Variants in RANBP9 observed in about 807,000 individuals in gnomAD.
The protein encoded by RANBP9 is RAN binding protein 9, also known as ran-binding protein 9.
Under a neutral mutation model 84.3 loss-of-function variants are expected in RANBP9, and 15 were observed. The ratio of observed to expected loss-of-function variants is 0.18; its 90% CI spans 0.12 to 0.27. RANBP9 has a LOEUF of 0.27. Ranked by LOEUF, RANBP9 falls within the 10% of genes least tolerant of loss-of-function variation. The pLI, the probability that RANBP9 is intolerant of heterozygous loss-of-function variation, is 1.00. For synonymous variants in RANBP9, 392 were observed against 349.6 expected (o/e 1.12, Z -1.35); for missense variants, 809 against 912.8 (o/e 0.89, Z 1.46).
intron 11 of RANBP9, 147 bp downstream of exon 11, chr6:13,634,284 T>G: frequency 2.1e-6 from 2 of 936,474 alleles, no homozygotes; most frequent in South Asian, 4.4e-5. Context: ...CAAACAAGAG[T>G]TTAAGTGCTA....
intron 2 of RANBP9, among the ~76,000 whole-genome samples, chr6:13,666,812 A>G (rs995200881): frequency 8.6e-5 from 13 of 152,002 alleles, no homozygotes; most frequent in Non-Finnish European, 1.9e-4. Flanking sequence ...CAAGAAAGTG[A>G]GTATTTTACC....
intron 2 of RANBP9, among the ~76,000 whole-genome samples, chr6:13,692,296 G>A (rs1584945741): frequency 6.6e-6 from 1 of 152,096 alleles, no homozygotes; most frequent in East Asian, 1.9e-4. Context: ...AGCACTTTGG[G>A]AGGCCGAGGC....
rs964919286 is a variant in RANBP9 at position 13,711,561 on chromosome 6, C to T, written c.-56G>A. ...CACCTCTTCTCTCCTTCCTCCTCTG[C>T]TTCCCGGGGGCGCTGTCGCTGCGGC... On this transcript the variant is annotated 5_prime_UTR_variant, in exon 1 of 14. Coordinates refer to ENST00000011619, the MANE Select transcript of RANBP9 (RefSeq NM_005493.3). 6.5e-6 allele frequency: 8 copies of T among 1,232,048 alleles called. No individual in the cohort carries two copies. Among genetic ancestry groups the T allele is most frequent in the African/African-American group, 3.1e-5 (2 of 63,716 alleles). The allele number at this position is 1,232,048 out of a possible 1,614,324, so 76.3% of individuals were successfully genotyped here.
At chr6:13,704,660 T>C (rs1758055699) in intron 1 of RANBP9, among the ~76,000 whole-genome samples, 1 of 151,708 alleles carries the variant, frequency 6.6e-6, no homozygotes, top group African/African-American at 2.4e-5. Context: ...GCCTCCTAAT[T>C]GATCTTTTCC....
At chr6:13,677,311 C>T (rs1357569603) in intron 2 of RANBP9, among the ~76,000 whole-genome samples, 2 of 151,930 alleles carry the variant, frequency 1.3e-5, no homozygotes, top group East Asian at 1.9e-4. Context: ...AAAATTGATA[C>T]CATAAAAACT....
chr6:13,703,010 G>A (rs1392258600), intron 1 of RANBP9, among the ~76,000 whole-genome samples: 1 of 152,136 alleles, frequency 6.6e-6, no homozygotes, highest in Non-Finnish European at 1.5e-5. Context: ...CTCATTTCTA[G>A]GGAAGGTGGG....
At chr6:13,642,782 C>T (rs577263267) in intron 6 of RANBP9, among the ~76,000 whole-genome samples, 191 bp from the exon 7 acceptor site, 2 of 152,180 alleles carry the variant, frequency 1.3e-5, no homozygotes, top group South Asian at 2.1e-4. Flanking sequence ...GTACTATTTT[C>T]GAAAAGATAA....
intron 4 of RANBP9, among the ~76,000 whole-genome samples, chr6:13,656,258 T>A (rs951726014): frequency 4.6e-5 from 7 of 152,176 alleles, no homozygotes; most frequent in Admixed American, 3.9e-4. Context: ...CCTTCTAGGG[T>A]TACTCAGTTT....
Position 13,634,540 on chromosome 6 carries a change from G to A in RANBP9, c.1686C>T (p.Asp562=), listed in dbSNP as rs1166044895. Residue 562 remains aspartate, a synonymous_variant, in exon 11 of 14, where the codon GAC becomes GAT. Transcript: ENST00000011619. ...QVNNFTSNDV[D]METDHYSNGV... Reference sequence around the variant, plus strand: ...CATTGGAGTAGTGATCTGTTTCCATGTCTACATCATTACTGAAAACGAAAA... The same window carrying A: ...CATTGGAGTAGTGATCTGTTTCCATATCTACATCATTACTGAAAACGAAAA... 1 of 1,605,060 alleles carries A rather than the reference G, an allele frequency of 6.2e-7. No homozygotes were observed. The highest frequency in any genetic ancestry group is 8.5e-7 in the Non-Finnish European group (1 of 1,175,260).
chr6:13,667,991 T>C (rs1347947869), intron 2 of RANBP9, among the ~76,000 whole-genome samples: 1 of 151,842 alleles, frequency 6.6e-6, no homozygotes, highest in East Asian at 1.9e-4. Context: ...AAAGGAATTA[T>C]AAAGATTAGG....
chr6:13,670,621 C>G (rs1765755251), intron 2 of RANBP9, among the ~76,000 whole-genome samples: 1 of 151,878 alleles, frequency 6.6e-6, no homozygotes, highest in Non-Finnish European at 1.5e-5. Flanking sequence ...ACGGTGAAAC[C>G]CCGTCTCTAC....
At chr6:13,653,700 A>G (rs1243710594) in intron 4 of RANBP9, among the ~76,000 whole-genome samples, 3 of 152,156 alleles carry the variant, frequency 2.0e-5, no homozygotes, top group South Asian at 4.1e-4. Context: ...AATAAAGTTA[A>G]AAGACAAACT....
chr6:13,649,459 C>T (rs1041591341), intron 5 of RANBP9, among the ~76,000 whole-genome samples: 2 of 94,822 alleles, frequency 2.1e-5, no homozygotes, highest in East Asian at 2.8e-4. Flanking sequence ...AGTGCCACAA[C>T]AGAAAAAAAA....
At chr6:13,634,821 A>G (rs1385917097) in intron 10 of RANBP9, among the ~76,000 whole-genome samples, 5 of 152,174 alleles carry the variant, frequency 3.3e-5, no homozygotes, top group Non-Finnish European at 5.9e-5. Context: ...CAATATGGAG[A>G]AATCATACTT....
chr6:13,629,921 C>CTCTCGT (rs1554221305), intron 12 of RANBP9, among the ~76,000 whole-genome samples: 189 of 128,420 alleles, frequency 1.5e-3, no homozygotes, highest in African/African-American at 3.8e-3. Context: ...CTCTCTCTCT[C>CTCTCGT]GTGTGTGTGT....
intron 1 of RANBP9, among the ~76,000 whole-genome samples, chr6:13,702,169 G>A (rs570866912): frequency 2.0e-5 from 3 of 152,194 alleles, no homozygotes; most frequent in Admixed American, 6.5e-5. Flanking sequence ...AAGGCTGGGC[G>A]CAGTGGCTCA....
Position 13,625,780 on chromosome 6 carries a change from C to T in RANBP9, c.1948-16G>A, listed in dbSNP as rs1443490730. 4 of 1,532,520 alleles carry T rather than the reference C, an allele frequency of 2.6e-6. No individual in the cohort carries two copies. The highest frequency in any genetic ancestry group is 1.1e-5 in the South Asian group (1 of 89,328). The allele number at this position is 1,532,520 out of a possible 1,614,324, so 94.9% of individuals were successfully genotyped here. A position where few individuals can be genotyped will look rare whatever the true frequency, so the allele number is the denominator to read the frequency against. ...TGAATGCATCCTGTTGAAAACACAT[C>T]GATTTGGTTTTAATTCAAATAGTTC... On this transcript the variant is annotated splice_polypyrimidine_tract_variant and intron_variant, in intron 12 of 13. Transcript: ENST00000011619.
At chr6:13,638,899 T>C (rs926374040) in intron 9 of RANBP9, among the ~76,000 whole-genome samples, 6 of 152,142 alleles carry the variant, frequency 3.9e-5, no homozygotes, top group Non-Finnish European at 7.4e-5. Flanking sequence ...CAGCTAGATG[T>C]GGTAACCAGT....
At chr6:13,702,985 A>T (rs1023698511) in intron 1 of RANBP9, among the ~76,000 whole-genome samples, 1 of 152,160 alleles carries the variant, frequency 6.6e-6, no homozygotes, top group African/African-American at 2.4e-5. Flanking sequence ...TGCAACAGAC[A>T]CTAAATATCA....
Sources: allele counts gnomAD v4.1 joint callset (sites outside exome capture counted in the v4.1 genomes callset), GRCh38; gene constraint gnomAD v4.1.1; transcripts MANE v1.5; gene names NCBI Gene and HGNC (gene_info 2026-07-23, HGNC 2026-07-21).